The following TMEFF2 variants were observed in gnomAD, a reference collection of about 807,000 sequenced individuals.
TMEFF2 encodes transmembrane protein with EGF like and two follistatin like domains 2.
Under a neutral mutation model 53.8 loss-of-function variants are expected in TMEFF2, and 28 were observed. The ratio of observed to expected loss-of-function variants is 0.52; its 90% CI spans 0.39 to 0.71. The LOEUF (loss-of-function observed/expected upper bound fraction) is 0.71, where lower values mean the gene tolerates loss of function less well. Ranked by LOEUF, TMEFF2 falls within the 30% of genes least tolerant of loss-of-function variation. The probability of loss-of-function intolerance (pLI) is 0.00; values close to 1 mark genes in which losing one functional copy is unlikely to be tolerated. For missense variants in TMEFF2, 353 were observed against 455.2 expected, an observed-to-expected ratio of 0.78 and a Z score of 2.04; for synonymous variants, 162 against 166.3, an observed-to-expected ratio of 0.97 and a Z score of 0.20.
At chr2:192,184,590 T>C (rs776674753) in intron 2 of TMEFF2, 107 bp from the exon 3 acceptor site, 1 of 1,387,640 alleles carries the variant, frequency 7.2e-7, no homozygotes, top group African/African-American at 1.4e-5. Context: ...GTCTTCATTT[T>C]CAATGATTCT....
At chr2:192,121,098 A>G (rs1376096498) in intron 4 of TMEFF2, among the ~76,000 whole-genome samples, 1 of 133,144 alleles carries the variant, frequency 7.5e-6, no homozygotes, top group African/African-American at 2.5e-5. Context: ...GAGAAGAGGA[A>G]AAACAAAACA....
rs1691807529 is a variant in TMEFF2, at chr2:191,949,607, G to A, written c.*704C>T. 1.8e-5 allele frequency: 18 copies of A among 985,262 alleles called. No homozygotes were observed. The highest frequency in any genetic ancestry group is 2.0e-5 in the Non-Finnish European group (17 of 829,896). 61.0% of individuals were successfully genotyped at this position (985,262 alleles called of 1,614,324 possible). Reference sequence around the variant, plus strand: ...AAGTTCAGATATATGCACTTAACTGGGGGATTCTAAGCTACTTCCCCAATA... The same window carrying A: ...AAGTTCAGATATATGCACTTAACTGAGGGATTCTAAGCTACTTCCCCAATA... On this transcript the variant is annotated 3_prime_UTR_variant, in exon 10 of 10. Transcript: ENST00000272771.
At chr2:192,167,828 G>A (rs768225283) in intron 4 of TMEFF2, among the ~76,000 whole-genome samples, 23 of 152,156 alleles carry the variant, frequency 1.5e-4, no homozygotes, top group Non-Finnish European at 2.5e-4. Flanking sequence ...CTCTCAGTAA[G>A]TTGAGGGTCA....
chr2:192,133,706 CCT>C (rs1360253660), intron 4 of TMEFF2, among the ~76,000 whole-genome samples: 2 of 152,336 alleles, frequency 1.3e-5, no homozygotes, highest in African/African-American at 4.8e-5. Flanking sequence ...GTCATCCCAG[CCT>C]CTCTTCGCTT....
At chr2:191,975,624 T>A (rs1685704432) in intron 7 of TMEFF2, among the ~76,000 whole-genome samples, 1 of 152,000 alleles carries the variant, frequency 6.6e-6, no homozygotes, top group Non-Finnish European at 1.5e-5. Context: ...TTTTTATTGG[T>A]CTTGGGTCAC....
chr2:191,965,151 G>A lies in TMEFF2; in HGVS notation c.746-8773C>T, dbSNP rs553618668. ...CCCAGATCAACTTTTTATAGGTGAT[G>A]AGGTGATCACACTTTTATGGAGTTT... On this transcript the variant is annotated intron_variant, in intron 7 of 9. Coordinates refer to ENST00000272771, the MANE Select transcript of TMEFF2 (RefSeq NM_016192.4). 1.2e-4 allele frequency among the ~76,000 whole-genome samples: 19 copies of A among 152,200 alleles called. No homozygotes were observed. In the South Asian group the frequency reaches 3.7e-3, roughly 30 times the overall value.
At chr2:191,983,310 T>C (rs888076992) in intron 7 of TMEFF2, among the ~76,000 whole-genome samples, 1 of 151,964 alleles carries the variant, frequency 6.6e-6, no homozygotes. Flanking sequence ...GTGTCAGGAA[T>C]ATTGATGGGT....
intron 2 of TMEFF2, among the ~76,000 whole-genome samples, chr2:192,184,730 C>G (rs1316631327): frequency 1.3e-5 from 2 of 151,966 alleles, no homozygotes; most frequent in Non-Finnish European, 2.9e-5. Context: ...CAATTCCCAA[C>G]AAAGTGACTG....
intron 4 of TMEFF2, among the ~76,000 whole-genome samples, chr2:192,091,187 C>T (rs191376500): frequency 6.6e-6 from 1 of 152,276 alleles, no homozygotes; most frequent in Non-Finnish European, 1.5e-5. Context: ...ACTTGTGGTA[C>T]TTCCCCCGTG....
chr2:192,185,054 A>C (rs565346049), intron 2 of TMEFF2, among the ~76,000 whole-genome samples: 1 of 152,062 alleles, frequency 6.6e-6, no homozygotes, highest in Non-Finnish European at 1.5e-5. Flanking sequence ...AGACTATTGT[A>C]TATTGATGTG....
intron 4 of TMEFF2, among the ~76,000 whole-genome samples, chr2:192,112,464 C>T (rs1175131734): frequency 6.6e-6 from 1 of 152,132 alleles, no homozygotes; most frequent in Non-Finnish European, 1.5e-5. Flanking sequence ...TTACCCAATG[C>T]CTGTACCTCT....
intron 5 of TMEFF2, among the ~76,000 whole-genome samples, chr2:192,010,629 T>C (rs1384446254): frequency 6.6e-6 from 1 of 152,150 alleles, no homozygotes; most frequent in East Asian, 1.9e-4. Flanking sequence ...TACCAGGTAC[T>C]AGGCTGAACA....
At chr2:192,180,746 C>T (rs554202698) in intron 3 of TMEFF2, among the ~76,000 whole-genome samples, 1 of 151,740 alleles carries the variant, frequency 6.6e-6, no homozygotes, top group Admixed American at 6.6e-5. Flanking sequence ...TAGAAAGAGG[C>T]ATGGTGTTTG....
At chr2:192,042,492 G>A (rs951842282) in intron 5 of TMEFF2, among the ~76,000 whole-genome samples, 1 of 152,156 alleles carries the variant, frequency 6.6e-6, no homozygotes, top group Non-Finnish European at 1.5e-5. Context: ...AATCCGTGAA[G>A]AGGTGTGCTA....
intron 4 of TMEFF2, among the ~76,000 whole-genome samples, chr2:192,118,454 G>A (rs1689469888): frequency 6.6e-6 from 1 of 152,104 alleles, no homozygotes; most frequent in Non-Finnish European, 1.5e-5. Context: ...GTATATATAA[G>A]TCACAGTGTG....
intron 2 of TMEFF2, among the ~76,000 whole-genome samples, chr2:192,185,103 G>A (rs1184920841): frequency 6.6e-6 from 1 of 151,936 alleles, no homozygotes; most frequent in Admixed American, 6.6e-5. Flanking sequence ...GGAACTCAGA[G>A]AAAAATTTCA....
At chr2:192,090,671 C>T (rs1054564174) in intron 4 of TMEFF2, among the ~76,000 whole-genome samples, 2 of 151,952 alleles carry the variant, frequency 1.3e-5, no homozygotes, top group Non-Finnish European at 2.9e-5. Flanking sequence ...TCAAATTTGC[C>T]CATTGTATTC....
At chr2:191,968,930 G>A (rs539403562) in intron 7 of TMEFF2, among the ~76,000 whole-genome samples, 1 of 152,140 alleles carries the variant, frequency 6.6e-6, no homozygotes, top group East Asian at 1.9e-4. Flanking sequence ...GACATTATAA[G>A]CCTTGGGGCT....
chr2:192,130,539 G>A (rs541307109), intron 4 of TMEFF2, among the ~76,000 whole-genome samples: 2 of 152,110 alleles, frequency 1.3e-5, no homozygotes, highest in East Asian at 3.9e-4. Context: ...ATTTGTTCCT[G>A]CCCCACCTTA....
Sources: gnomAD v4.1 joint callset for allele counts (sites outside exome capture counted in the v4.1 genomes callset) on GRCh38, gnomAD v4.1.1 for gene constraint, MANE v1.5 for transcripts, NCBI Gene and HGNC (gene_info 2026-07-23, HGNC 2026-07-21) for gene names.